Variants in SLC8A1 observed in about 807,000 individuals in gnomAD.
SLC8A1 encodes sodium/calcium exchanger 1.
In SLC8A1, 18 loss-of-function variants were observed where a neutral mutation model predicts 68.3. The ratio of observed to expected loss-of-function variants is 0.26; its 90% CI spans 0.18 to 0.39. The LOEUF is 0.39. Among genes scored for constraint, SLC8A1 ranks in the 10% least tolerant of loss-of-function variants. The pLI is 1.00. For missense variants in SLC8A1, 985 were observed against 1,156.7 expected (o/e 0.85, Z 2.15); for synonymous variants, 475 against 415.5 (o/e 1.14, Z -1.74).
intron 2 of SLC8A1, among the ~76,000 whole-genome samples, chr2:40,234,769 G>A (rs200778894): frequency 0.17 from 25,275 of 151,854 alleles, 2,849 homozygotes; most frequent in African/African-American, 0.31. Context: ...TTTGAAATAC[G>A]TCCCATCAAT....
intron 2 of SLC8A1, among the ~76,000 whole-genome samples, chr2:40,424,753 T>C (rs1696418554): frequency 1.3e-5 from 2 of 151,838 alleles, no homozygotes; most frequent in Admixed American, 6.6e-5. Context: ...CTCTGTACTT[T>C]AAATATATAA....
At chr2:40,115,212 A>C in exon 8 of SLC8A1, 1 of 1,348,788 alleles carries the variant, frequency 7.4e-7, no homozygotes, top group East Asian at 2.5e-5. Context: ...TTTTATGTAT[A>C]TATATGTATA....
upstream of SLC8A1, among the ~76,000 whole-genome samples, chr2:40,456,888 A>G (rs1225551382): frequency 6.6e-6 from 1 of 152,230 alleles, no homozygotes; most frequent in East Asian, 1.9e-4. Flanking sequence ...AGAAAAATAT[A>G]CATTTCTACA....
intron 2 of SLC8A1, among the ~76,000 whole-genome samples, chr2:40,424,858 A>G (rs1278492174): frequency 1.3e-5 from 2 of 151,848 alleles, no homozygotes; most frequent in African/African-American, 4.8e-5. Flanking sequence ...ACATTAGTTA[A>G]TTAGCCTTAT....
intron 2 of SLC8A1, among the ~76,000 whole-genome samples, chr2:40,288,484 C>A (rs2068694026): frequency 6.6e-6 from 1 of 151,986 alleles, no homozygotes; most frequent in Non-Finnish European, 1.5e-5. Context: ...TCTCCCCAGC[C>A]CCTACTCCTC....
intron 2 of SLC8A1, among the ~76,000 whole-genome samples, chr2:40,240,605 G>C (rs1016221095): frequency 1.3e-5 from 2 of 152,132 alleles, no homozygotes; most frequent in African/African-American, 4.8e-5. Context: ...ACACTTTTTT[G>C]TATAAATACA....
chr2:40,348,763 A>C (rs1232510801), intron 2 of SLC8A1, among the ~76,000 whole-genome samples: 3 of 152,112 alleles, frequency 2.0e-5, no homozygotes, highest in Admixed American at 6.6e-5. Context: ...TGGTGGTTTC[A>C]CCAGAAAGAC....
chr2:40,436,799 G>C (rs1271209499), intron 1 of SLC8A1, among the ~76,000 whole-genome samples: 1 of 151,872 alleles, frequency 6.6e-6, no homozygotes, highest in Non-Finnish European at 1.5e-5. Context: ...GGAGAAGAGA[G>C]AGTCTTTCAA....
At chr2:40,219,517 G>T (rs907874632) in intron 2 of SLC8A1, among the ~76,000 whole-genome samples, 4 of 152,122 alleles carry the variant, frequency 2.6e-5, no homozygotes, top group Non-Finnish European at 5.9e-5. Flanking sequence ...GAATTTCAGG[G>T]CAAGAGAAAT....
intron 1 of SLC8A1, among the ~76,000 whole-genome samples, chr2:40,487,998 A>G (rs143791460): frequency 6.6e-6 from 1 of 152,130 alleles, no homozygotes; most frequent in Non-Finnish European, 1.5e-5. Context: ...AAGTGGGGTT[A>G]AAAAGTTTAA....
chr2:40,412,041 G>C (rs1692314627), intron 2 of SLC8A1, among the ~76,000 whole-genome samples: 1 of 152,132 alleles, frequency 6.6e-6, no homozygotes, highest in African/African-American at 2.4e-5. Flanking sequence ...AACAGGCAGA[G>C]AGATATTAAA....
At chr2:40,116,635 A>G (rs2035474689) in intron 7 of SLC8A1, among the ~76,000 whole-genome samples, 2 of 150,798 alleles carry the variant, frequency 1.3e-5, no homozygotes. Flanking sequence ...CTTAGAGATG[A>G]CAAGTAGTGG....
rs188075686 is a variant in SLC8A1 at position 40,490,641 on chromosome 2, G to A, written c.-25+21708C>T. On this transcript the variant is annotated intron_variant, in intron 1 of 7. Coordinates refer to the SLC8A1 transcript ENST00000402441. ...ATGTTTTTAGATGATTTGTGGGGAT[G>A]GGTAGGAGTAGTGGATTCACAACTA... Among the ~76,000 whole-genome samples the A allele has an allele frequency of 1.9e-4, 29 of 152,200 alleles. 1 individual carries two copies. The East Asian group carries it at 4.8e-3, about 25-fold the overall frequency.
At chr2:40,425,979 C>T (rs770047099) in intron 2 of SLC8A1, among the ~76,000 whole-genome samples, 6 of 151,800 alleles carry the variant, frequency 4.0e-5, no homozygotes, top group Non-Finnish European at 5.9e-5. Context: ...ATCAACATAT[C>T]TTTGATAATA....
At chr2:40,271,893 G>T (rs919321772) in intron 2 of SLC8A1, among the ~76,000 whole-genome samples, 18 of 151,888 alleles carry the variant, frequency 1.2e-4, no homozygotes, top group Middle Eastern at 3.4e-3. Context: ...TAGAGTCAGG[G>T]TCTCACTCTG....
At chr2:40,464,118 C>T (rs1299726913) in intron 1 of SLC8A1, among the ~76,000 whole-genome samples, 1 of 152,090 alleles carries the variant, frequency 6.6e-6, no homozygotes, top group African/African-American at 2.4e-5. Flanking sequence ...TGGTCTTGAA[C>T]TCCTGACTTC....
At chr2:40,123,641 T>G (rs945542354) in intron 7 of SLC8A1, among the ~76,000 whole-genome samples, 1 of 152,208 alleles carries the variant, frequency 6.6e-6, no homozygotes, top group African/African-American at 2.4e-5. Flanking sequence ...GCATCAAGTT[T>G]TTGATATTTT....
upstream of SLC8A1, among the ~76,000 whole-genome samples, chr2:40,454,753 G>A (rs1170439991): frequency 6.6e-6 from 1 of 152,060 alleles, no homozygotes; most frequent in South Asian, 2.1e-4. Flanking sequence ...AATGGTTCCA[G>A]GGCCCCAAGG....
At chr2:40,379,198 T>G (rs1680915812) in intron 2 of SLC8A1, among the ~76,000 whole-genome samples, 1 of 152,144 alleles carries the variant, frequency 6.6e-6, no homozygotes, top group Non-Finnish European at 1.5e-5. Context: ...GACCCTCTCT[T>G]GAGAATTTCT....
Sources: allele counts gnomAD v4.1 joint callset (sites outside exome capture counted in the v4.1 genomes callset), GRCh38; gene constraint gnomAD v4.1.1; transcripts MANE v1.5; gene names NCBI Gene and HGNC (gene_info 2026-07-23, HGNC 2026-07-21).